The following COL11A1 variants were observed in gnomAD, a reference collection of about 807,000 sequenced individuals.
COL11A1 encodes collagen type XI alpha 1 chain, also known as collagen alpha-1(XI) chain.
In COL11A1, 74 loss-of-function variants were observed where a neutral mutation model predicts 265.2. The ratio of observed to expected loss-of-function variants is 0.28; its 90% CI spans 0.23 to 0.34. The LOEUF (loss-of-function observed/expected upper bound fraction) is 0.34, where lower values mean the gene tolerates loss of function less well. Among genes scored for constraint, COL11A1 ranks in the 10% least tolerant of loss-of-function variants. The probability of loss-of-function intolerance (pLI) is 1.00; values close to 1 mark genes in which losing one functional copy is unlikely to be tolerated. For missense variants in COL11A1, 2,165 were observed against 2,263.6 expected, an observed-to-expected ratio of 0.96 and a Z score of 0.88; for synonymous variants, 816 against 727.6, an observed-to-expected ratio of 1.12 and a Z score of -1.96.
chr1:102,888,913 G>C lies in COL11A1; in HGVS notation c.4471C>G (p.Pro1491Ala). 1.2e-6 allele frequency: 2 copies of C among 1,611,858 alleles called. No homozygotes were observed. Residue 1491 changes from proline to alanine, a missense_variant, in exon 60 of 67, where the codon CCT (proline) becomes GCT (alanine). By Grantham distance (27) the Pro-to-Ala change is conservative. Coordinates refer to ENST00000370096, the MANE Select transcript of COL11A1 (RefSeq NM_001854.4). ...GGACCTAAGGGACCAGCAGGACCAG[G>C]AATTCCCTAGAGAGAGAATCAGCCA... is the stretch of plus-strand genomic sequence containing the variant. ...SPGAKGDGGI[P>A]GPAGPLGPPG...
At chr1:103,001,784 C>T in intron 24 of COL11A1, 141 bp downstream of exon 24, 1 of 739,040 alleles carries the variant, frequency 1.4e-6, no homozygotes, top group South Asian at 1.6e-5. Flanking sequence ...CACTATATTT[C>T]CATGTCGACT....
In COL11A1 at chr1:102,967,342, G is replaced by A. The variant is rs192626731; in HGVS notation, c.2863-1802C>T. On this transcript the variant is annotated intron_variant, in intron 37 of 66. Coordinates refer to ENST00000370096, the MANE Select transcript of COL11A1 (RefSeq NM_001854.4). ...TGCAAGCTCCGCCTCCCAGGTTCAC[G>A]CCATTCTCCTGCTTCAGCCTCCAGA... 8.4e-4 allele frequency among the ~76,000 whole-genome samples: 115 copies of A among 136,766 alleles called. 1 individual carries two copies. The East Asian group carries it at 0.025, about 29-fold the overall frequency. 89.7% of individuals were successfully genotyped at this position (136,766 alleles called of 152,430 possible).
At chr1:103,026,717 A>G (rs1667551119) in intron 5 of COL11A1, among the ~76,000 whole-genome samples, 1 of 152,144 alleles carries the variant, frequency 6.6e-6, no homozygotes, top group Non-Finnish European at 1.5e-5. Flanking sequence ...AGAGCGCTAC[A>G]GTAATTTCAA....
At chr1:102,951,193 A>C (rs2101464387) in intron 41 of COL11A1, among the ~76,000 whole-genome samples, 1 of 152,266 alleles carries the variant, frequency 6.6e-6, no homozygotes, top group Non-Finnish European at 1.5e-5. Flanking sequence ...CCTTCAAAGT[A>C]TTTCTTATAC....
rs1241776211 is a variant in COL11A1, at chr1:102,889,400, T to TGTGC, written c.4464+54_4464+55insGCAC. The TGTGC allele has an allele frequency of 8.6e-5, 89 of 1,035,934 alleles. 1 individual carries two copies. The African/African-American group carries it at 1.3e-3, about 15-fold the overall frequency. The allele number at this position is 1,035,934 out of a possible 1,614,324, so 64.2% of individuals were successfully genotyped here. ...TTAAAGGACTGTGTGTGTGTGTGTG[T>TGTGC]GTGTGTGTGTATTATTGGAAATGAG... On this transcript the variant is annotated intron_variant, in intron 59 of 66. Transcript: ENST00000370096.
At position 103,071,467 on chromosome 1, in the gene COL11A1, CTTTTTTTTTTTTT is replaced by C. The variant is rs869263393; in HGVS notation, c.651+3138_651+3150del. 2.4e-4 allele frequency among the ~76,000 whole-genome samples: 12 copies of C among 49,890 alleles called. No individual in the cohort carries two copies. In the South Asian group the frequency reaches 5.3e-3, roughly 22 times the overall value. 32.7% of individuals were successfully genotyped at this position (49,890 alleles called of 152,430 possible). On this transcript the variant is annotated intron_variant, in intron 4 of 66. Transcript: ENST00000370096. ...AGGCTGTTGATTTGTGTTGGTAGGA[CTTTTTTTTTTTTT>C]TTTTTTTTTTTTTTGCCTGCATGGA...
At position 103,074,635 on chromosome 1, in the gene COL11A1, C is replaced by T; in HGVS notation, c.634G>A (p.Asp212Asn). 1 of 1,613,146 alleles carries T rather than the reference C, an allele frequency of 6.2e-7. No individual in the cohort carries two copies. Among genetic ancestry groups the T allele is most frequent in the African/African-American group, 1.3e-5 (1 of 74,982 alleles). ...GITVFGTRIL[D>N]EEVFEGDIQQ... ...ATTTTTACCTCAAAAACTTCTTCAT[C>T]CAAAATCCTTGTTCCAAAAACCGTG... The change falls in exon 4 of 67, where the codon GAT becomes AAT. Residue 212 changes from aspartate to asparagine, a missense_variant. Transcript: ENST00000370096.
At position 103,064,111 on chromosome 1, in the gene COL11A1, C is replaced by T. The variant is rs147831541; in HGVS notation, c.651+10507G>A. Among the ~76,000 whole-genome samples the T allele has an allele frequency of 3.1e-3, 472 of 152,276 alleles. 3 individuals carry two copies. The highest frequency in any genetic ancestry group is 0.011 in the African/African-American group (457 of 41,560). ...AAGCAAAACAAACTCTCGTTCCTTG[C>T]TGGCGGGAATCCAAAAGGGTTTATT... On this transcript the variant is annotated intron_variant, in intron 4 of 66. Transcript: ENST00000370096.
chr1:103,074,782 T>C lies in COL11A1; in HGVS notation c.489-2A>G. 6.2e-7 allele frequency: 1 copy of C among 1,613,012 alleles called. No individual in the cohort carries two copies. Among genetic ancestry groups the C allele is most frequent in the Non-Finnish European group, 8.5e-7 (1 of 1,179,432 alleles). ...ACGCTGATTGCTACCCGATGCCACC[T>C]AAAAAAGACAAGTAATTCTTTTGTA... is the stretch of plus-strand genomic sequence containing the variant. On this transcript the variant is annotated splice_acceptor_variant, in intron 3 of 66. Transcript: ENST00000370096. LOFTEE classifies it high-confidence loss of function.
intron 5 of COL11A1, among the ~76,000 whole-genome samples, chr1:103,029,892 C>T (rs1331595325): frequency 1.3e-5 from 2 of 152,108 alleles, no homozygotes; most frequent in East Asian, 3.9e-4. Context: ...ATGCAAACCT[C>T]CCTTCTTCCA....
chr1:102,881,725 C>T lies in COL11A1; in HGVS notation c.5012G>A (p.Trp1671Ter). 6.2e-7 allele frequency: 1 copy of T among 1,612,506 alleles called. No individual in the cohort carries two copies. The highest frequency in any genetic ancestry group is 8.5e-7 in the Non-Finnish European group (1 of 1,179,064). ...SSWPKEKPGS[W>*]FSEFKRGKLL... ...TTTTCCCCTCTTAAATTCACTAAACCAACTTCCTGGTTTCTCCTTTGGCCA... is the reference window on the plus strand; with the variant it reads ...TTTTCCCCTCTTAAATTCACTAAACTAACTTCCTGGTTTCTCCTTTGGCCA... Residue 1671 changes from tryptophan to a stop codon, truncating the protein, a stop_gained, in exon 65 of 67, where the codon TGG becomes TAG. Transcript: ENST00000370096. LOFTEE classifies it high-confidence loss of function.
intron 46 of COL11A1, among the ~76,000 whole-genome samples, chr1:102,927,440 G>C (rs1333985756): frequency 6.6e-6 from 1 of 152,178 alleles, no homozygotes; most frequent in Non-Finnish European, 1.5e-5. Context: ...AATACGGCCA[G>C]GCGCAGTGGC....
intron 41 of COL11A1, among the ~76,000 whole-genome samples, chr1:102,960,041 AGTT>A (rs1334529972): frequency 2.0e-5 from 3 of 152,098 alleles, no homozygotes; most frequent in African/African-American, 4.8e-5. Flanking sequence ...TGTCTTATTA[AGTT>A]GTTGTTGCTG....
intron 30 of COL11A1, among the ~76,000 whole-genome samples, chr1:102,985,212 A>G (rs916148706): frequency 2.0e-5 from 3 of 152,128 alleles, no homozygotes; most frequent in Non-Finnish European, 4.4e-5. Context: ...ACAACTAAAA[A>G]TGGAAAACAA....
rs201645288 is a variant in COL11A1 at position 102,898,928 on chromosome 1, AT to A, written c.4140+12del. On this transcript the variant is annotated intron_variant, in intron 55 of 66. Transcript: ENST00000370096. Reference sequence around the variant, plus strand: ...ATATAATATATATTATGTATATATTATTTTTTTTTTACCTTAGCACCTTTTT... The same window carrying A: ...ATATAATATATATTATGTATATATTATTTTTTTTTACCTTAGCACCTTTTT... 0.011 allele frequency: 13,725 copies of A among 1,206,744 alleles called. No homozygotes were observed. The highest frequency in any genetic ancestry group is 0.02 in the South Asian group (1,199 of 59,682). The allele number at this position is 1,206,744 out of a possible 1,614,324, so 74.8% of individuals were successfully genotyped here. A position where few individuals can be genotyped will look rare whatever the true frequency, so the allele number is the denominator to read the frequency against.
At position 103,073,532 on chromosome 1, in the gene COL11A1, T is replaced by C. The variant is rs562497005; in HGVS notation, c.651+1086A>G. Among the ~76,000 whole-genome samples, 7 of 151,976 alleles carry C rather than the reference T, an allele frequency of 4.6e-5. No homozygotes were observed. In the South Asian group the frequency reaches 1.2e-3, roughly 27 times the overall value. On this transcript the variant is annotated intron_variant, in intron 4 of 66. Coordinates refer to ENST00000370096, the MANE Select transcript of COL11A1 (RefSeq NM_001854.4). ...AAACTACCTGAATCAGTTTATTATT[T>C]ACATAATCTAGCATGATATGATAGT...
intron 55 of COL11A1, 60 bp from the exon 56 acceptor site, chr1:102,898,833 T>C: frequency 6.7e-7 from 1 of 1,501,010 alleles, no homozygotes; most frequent in Non-Finnish European, 9.2e-7. Flanking sequence ...TATTATTTTA[T>C]TAAATGCACT....
At chr1:102,928,426 G>T (rs925020234) in intron 46 of COL11A1, among the ~76,000 whole-genome samples, 3 of 151,884 alleles carry the variant, frequency 2.0e-5, no homozygotes, top group African/African-American at 2.4e-5. Flanking sequence ...CAAAGGACAT[G>T]AACTCATCAT....
intron 41 of COL11A1, among the ~76,000 whole-genome samples, chr1:102,948,824 C>T (rs892892640): frequency 6.6e-6 from 1 of 151,800 alleles, no homozygotes; most frequent in Admixed American, 6.6e-5. Flanking sequence ...AACCAGGTAA[C>T]AGACTCCTGT....
Sources: allele counts gnomAD v4.1 joint callset (sites outside exome capture counted in the v4.1 genomes callset), GRCh38; gene constraint gnomAD v4.1.1; transcripts MANE v1.5; gene names NCBI Gene and HGNC (gene_info 2026-07-23, HGNC 2026-07-21).